Variants in TCAIM observed in about 807,000 individuals in gnomAD.
TCAIM encodes T-cell activation inhibitor, mitochondrial.
In TCAIM, 36 loss-of-function variants were observed where a neutral mutation model predicts 58.6. The observed-to-expected ratio is 0.61, with a 90% CI of 0.47 to 0.81. The LOEUF is 0.81. Among genes scored for constraint, TCAIM ranks in the 30% least tolerant of loss-of-function variants. TCAIM has a pLI of 0.00. For missense variants in TCAIM, 466 were observed against 579.6 expected (o/e 0.80, Z 2.01); for synonymous variants, 172 against 193.6 (o/e 0.89, Z 0.93).
rs1398321942 is a variant in TCAIM at position 44,367,722 on chromosome 3, T to C, written c.572+14T>C. Reference sequence around the variant, plus strand: ...AACAACTCTCACGTATGTAAAAGTTTTTATCTAACTAAACTGTATTTGTAG... The same window carrying C: ...AACAACTCTCACGTATGTAAAAGTTCTTATCTAACTAAACTGTATTTGTAG... On this transcript the variant is annotated intron_variant, in intron 5 of 10. Coordinates refer to ENST00000342649, the MANE Select transcript of TCAIM (RefSeq NM_173826.4). 2 of 1,591,574 alleles carry C rather than the reference T, an allele frequency of 1.3e-6. No individual in the cohort carries two copies. Among genetic ancestry groups the C allele is most frequent in the Non-Finnish European group, 1.7e-6 (2 of 1,166,110 alleles).
chr3:44,401,536 T>C (rs1702021603), intron 10 of TCAIM, among the ~76,000 whole-genome samples: 1 of 152,204 alleles, frequency 6.6e-6, no homozygotes, highest in Non-Finnish European at 1.5e-5. Flanking sequence ...AGCTTCTTAA[T>C]ATAAAAGTCA....
chr3:44,346,738 G>A (rs748512773), intron 1 of TCAIM, among the ~76,000 whole-genome samples: 12 of 152,188 alleles, frequency 7.9e-5, no homozygotes, highest in African/African-American at 2.7e-4. Flanking sequence ...CAGCTGCCGC[G>A]TGCAGACATG....
At chr3:44,367,144 A>T (rs1030627915) in intron 4 of TCAIM, among the ~76,000 whole-genome samples, 1 of 152,212 alleles carries the variant, frequency 6.6e-6, no homozygotes, top group African/African-American at 2.4e-5. Context: ...CAGAATTGAG[A>T]ATATTCTAAA....
At chr3:44,351,529 C>CT (rs1285269365) in intron 1 of TCAIM, among the ~76,000 whole-genome samples, 5 of 151,962 alleles carry the variant, frequency 3.3e-5, no homozygotes, top group Non-Finnish European at 1.5e-5. Flanking sequence ...GAGTCTCACT[C>CT]TGTTGCCCAG....
chr3:44,390,181 A>G (rs1408611041), intron 5 of TCAIM, among the ~76,000 whole-genome samples: 5 of 152,214 alleles, frequency 3.3e-5, no homozygotes, highest in Non-Finnish European at 7.3e-5. Context: ...GGCATTCAAT[A>G]TAAGTGTTTA....
intron 4 of TCAIM, chr3:44,363,078 G>A (rs1701317775): frequency 1.3e-5 from 2 of 152,140 alleles, no homozygotes; most frequent in South Asian, 4.1e-4. Context: ...AGTCGAGCTC[G>A]TTCCTACAGC....
intron 5 of TCAIM, among the ~76,000 whole-genome samples, chr3:44,377,142 A>G (rs1477769765): frequency 6.6e-6 from 1 of 152,222 alleles, no homozygotes; most frequent in Non-Finnish European, 1.5e-5. Flanking sequence ...TGCCATCTAC[A>G]GAAGAGTCAC....
chr3:44,367,594 C>G lies in TCAIM; in HGVS notation c.458C>G (p.Ala153Gly), dbSNP rs1219286677. 1.9e-6 allele frequency: 3 copies of G among 1,614,094 alleles called. No homozygotes were observed. In the African/African-American group the frequency reaches 4.0e-5, roughly 22 times the overall value. Residue 153 changes from alanine (A) to glycine (G), a missense_variant, in exon 5 of 11, where the codon GCT becomes GGT. Physicochemically the swap from Ala to Gly is moderately conservative, Grantham distance 60. Transcript: ENST00000342649. ...ATGCATACCCAGCCTCTCAAAGAAG[C>G]TAAAAGGATGCCTGACAGGCCCATC... The part of the protein sequence containing the change: ...TNMHTQPLKE[A>G]KRMPDRPIKW...
intron 4 of TCAIM, among the ~76,000 whole-genome samples, chr3:44,365,252 G>C (rs1701355481): frequency 6.6e-6 from 1 of 151,994 alleles, no homozygotes. Context: ...GCATGTTCTG[G>C]ATCTCATAAG....
At chr3:44,370,759 T>A (rs1163869549) in intron 5 of TCAIM, among the ~76,000 whole-genome samples, 1 of 150,862 alleles carries the variant, frequency 6.6e-6, no homozygotes, top group East Asian at 1.9e-4. Flanking sequence ...TCTTTCTTTT[T>A]TTTTGAGACA....
intron 9 of TCAIM, 29 bp downstream of exon 9, chr3:44,400,616 T>G (rs770411112): frequency 1.3e-6 from 2 of 1,559,988 alleles, no homozygotes; most frequent in South Asian, 2.2e-5. Context: ...AGGATTACTT[T>G]TATTCCTTCG....
At chr3:44,376,321 T>G (rs540289180) in intron 5 of TCAIM, among the ~76,000 whole-genome samples, 22 of 152,338 alleles carry the variant, frequency 1.4e-4, no homozygotes, top group African/African-American at 5.3e-4. Flanking sequence ...AACAAAGCCA[T>G]TTTTAAAAAG....
chr3:44,343,739 A>C (rs1366238320), intron 1 of TCAIM, among the ~76,000 whole-genome samples: 1 of 152,050 alleles, frequency 6.6e-6, no homozygotes, highest in Non-Finnish European at 1.5e-5. Context: ...AGCAGATAGA[A>C]AACACCTAAT....
At chr3:44,367,820 T>A in intron 5 of TCAIM, 112 bp downstream of exon 5, 1 of 1,093,446 alleles carries the variant, frequency 9.1e-7, no homozygotes, top group Non-Finnish European at 1.3e-6. Flanking sequence ...AGTTCACATT[T>A]AAAATTAAAA....
chr3:44,395,377 C>T (rs1701917768), intron 6 of TCAIM, among the ~76,000 whole-genome samples: 1 of 152,122 alleles, frequency 6.6e-6, no homozygotes, highest in South Asian at 2.1e-4. Context: ...ATGCCTGACT[C>T]CTTCACACAC....
intron 4 of TCAIM, among the ~76,000 whole-genome samples, chr3:44,361,825 A>C (rs557963906): frequency 6.6e-6 from 1 of 152,194 alleles, no homozygotes; most frequent in Non-Finnish European, 1.5e-5. Context: ...TACAGCTTGC[A>C]TTCTCTTATT....
intron 2 of TCAIM, 100 bp from the exon 3 acceptor site, chr3:44,357,641 T>C: frequency 1.4e-6 from 2 of 1,429,144 alleles, no homozygotes; most frequent in African/African-American, 2.9e-5. Context: ...ATCTTGTTTC[T>C]GCTGTGCATA....
At chr3:44,407,355 G>A (rs761939280) in intron 10 of TCAIM, 87 bp from the exon 11 acceptor site, 10 of 1,145,070 alleles carry the variant, frequency 8.7e-6, no homozygotes, top group Non-Finnish European at 1.1e-5. Context: ...GCCCCAACAT[G>A]TAAGAATATA....
chr3:44,356,193 G>A (rs1435904913), intron 2 of TCAIM, among the ~76,000 whole-genome samples: 1 of 152,166 alleles, frequency 6.6e-6, no homozygotes, highest in African/African-American at 2.4e-5. Context: ...TAATGTATGA[G>A]AACAAAAGCA....
Sources: allele counts gnomAD v4.1 joint callset (sites outside exome capture counted in the v4.1 genomes callset), GRCh38; gene constraint gnomAD v4.1.1; transcripts MANE v1.5; gene names NCBI Gene and HGNC (gene_info 2026-07-23, HGNC 2026-07-21).